Variants in MYH9 observed in about 807,000 individuals in gnomAD.
MYH9 encodes the protein myosin-9.
Under a neutral mutation model 241.9 loss-of-function variants are expected in MYH9, and 29 were observed. That is an observed-to-expected ratio of 0.12 (90% CI 0.09 to 0.16). MYH9 has a LOEUF of 0.16. Ranked by LOEUF, MYH9 falls within the 10% of genes least tolerant of loss-of-function variation. The pLI, the probability that MYH9 is intolerant of heterozygous loss-of-function variation, is 1.00. For missense variants in MYH9, 1,803 were observed against 2,595.5 expected, an observed-to-expected ratio of 0.69 and a Z score of 6.63; for synonymous variants, 1,047 against 1,062.6, an observed-to-expected ratio of 0.99 and a Z score of 0.29.
chr22:36,294,720 C>G (rs2016761321), intron 27 of MYH9, among the ~76,000 whole-genome samples: 1 of 152,228 alleles, frequency 6.6e-6, no homozygotes, highest in African/African-American at 2.4e-5. Flanking sequence ...TGTTTTCACC[C>G]TCAAATAATC....
Position 36,301,031 on chromosome 22 carries a change from C to T in MYH9, c.2658G>A (p.Gln886=), listed in dbSNP as rs143927347. The change falls in exon 22 of 41, where the codon CAG becomes CAA. Residue 886 remains glutamine (Q), a synonymous_variant. Transcript: ENST00000216181. ...SQLMAEKLQL[Q]EQLQAETELC... ...GCTCGGTTTCTGCCTGGAGCTGCTC[C>T]TGCAGCTGCAATTTCTCTGCCATGA... 6.2e-7 allele frequency: 1 copy of T among 1,610,930 alleles called. No individual in the cohort carries two copies. The highest frequency in any genetic ancestry group is 8.5e-7 in the Non-Finnish European group (1 of 1,180,018).
chr22:36,387,699 G>A (rs1285966763), intron 1 of MYH9, 108 bp downstream of exon 1: 2 of 151,316 alleles, frequency 1.3e-5, no homozygotes, highest in Non-Finnish European at 1.5e-5. Context: ...CGCGGGTGGC[G>A]GGCCGCACTG....
In MYH9 at chr22:36,320,956, A is replaced by AC; in HGVS notation, c.770-61_770-60insG. On this transcript the variant is annotated intron_variant, in intron 7 of 40. Coordinates refer to ENST00000216181, the MANE Select transcript of MYH9 (RefSeq NM_002473.6). This position sits in a 1 kb window ranked among gnomAD's most constrained non-coding sequence, Gnocchi z 4.8. The stretch of plus-strand genomic sequence containing the variant: ...AGAAGGCAAGCCCTCCACTTTCCTC[A>AC]TTTTTTTTTTTTTGGAGACAGAGTC... 2.5e-6 allele frequency: 3 copies of AC among 1,213,196 alleles called. No homozygotes were observed. Among genetic ancestry groups the AC allele is most frequent in the Non-Finnish European group, 3.5e-6 (3 of 865,080 alleles). 75.2% of individuals were successfully genotyped at this position (1,213,196 alleles called of 1,614,324 possible).
intron 1 of MYH9, among the ~76,000 whole-genome samples, chr22:36,368,801 C>T (rs1239674683): frequency 4.0e-5 from 6 of 151,654 alleles, no homozygotes; most frequent in African/African-American, 7.3e-5. Context: ...CCAGGTCCTG[C>T]AGCACAACAA....
At chr22:36,353,945 G>C (rs544042061) in intron 1 of MYH9, among the ~76,000 whole-genome samples, 4 of 152,274 alleles carry the variant, frequency 2.6e-5, no homozygotes, top group Admixed American at 2.0e-4. Flanking sequence ...CTGTCACCCA[G>C]GCTAGAGTGC....
intron 38 of MYH9, 60 bp from the exon 39 acceptor site, chr22:36,284,571 A>T: frequency 6.5e-7 from 1 of 1,528,670 alleles, no homozygotes; most frequent in Non-Finnish European, 9.0e-7. Flanking sequence ...CCGGCCAACA[A>T]GCCCTAACCA....
chr22:36,364,454 C>G (rs2017979180), intron 1 of MYH9, among the ~76,000 whole-genome samples: 1 of 152,120 alleles, frequency 6.6e-6, no homozygotes, highest in Admixed American at 6.5e-5. Flanking sequence ...ATGTTAAGCC[C>G]AATCATCTTC....
chr22:36,286,650 G>A (rs1603482747), intron 35 of MYH9, 68 bp downstream of exon 35: 2 of 1,602,500 alleles, frequency 1.2e-6, no homozygotes, highest in East Asian at 4.5e-5. Flanking sequence ...GTCCTCAGCT[G>A]AAAGCCCCAC....
intron 2 of MYH9, 58 bp downstream of exon 2, chr22:36,348,846 C>CCCCCCCCCCCCCCCCCCCCCCG: frequency 1.1e-6 from 1 of 881,590 alleles, no homozygotes. Context: ...GACCCGCCCC[C>CCCCCCCCCCCCCCCCCCCCCCG]CCCCCCCACC....
chr22:36,319,450 G>T, intron 10 of MYH9, 90 bp downstream of exon 10: 1 of 1,184,564 alleles, frequency 8.4e-7, no homozygotes, highest in Non-Finnish European at 1.2e-6. Context: ...AAAGAATAGT[G>T]TCCGGAATTT....
At chr22:36,326,500 G>C in intron 5 of MYH9, 68 bp downstream of exon 5, 2 of 1,360,446 alleles carry the variant, frequency 1.5e-6, no homozygotes, top group Admixed American at 3.3e-5. Flanking sequence ...GGACCACTAA[G>C]TGCTCTTCCT....
intron 20 of MYH9, chr22:36,302,302 T>A (rs969776308): frequency 1.8e-5 from 7 of 386,024 alleles, no homozygotes; most frequent in South Asian, 2.6e-5. Flanking sequence ...ATTTTTTTTT[T>A]AAAGGCCAGG....
intron 27 of MYH9, 123 bp from the exon 28 acceptor site, chr22:36,294,421 C>T (rs1013399101): frequency 1.6e-5 from 17 of 1,037,424 alleles, no homozygotes; most frequent in Non-Finnish European, 2.3e-5. Context: ...GGTGTGCCTG[C>T]GTCCTGGACT....
chr22:36,294,069 C>G (rs1054539586), intron 28 of MYH9, 23 bp downstream of exon 28: 2 of 1,605,814 alleles, frequency 1.2e-6, no homozygotes, highest in African/African-American at 1.3e-5. Context: ...CTGCCCGCGC[C>G]AGGGTCCTGG....
In MYH9 at chr22:36,291,835, C is replaced by A. The variant is rs1352744063; in HGVS notation, c.4344+151G>T. On this transcript the variant is annotated intron_variant, in intron 31 of 40. Transcript: ENST00000216181. ...CTTCTCCCTGGGACCCTCAACAAGCCAGAGCCTGAGGGTCCTCTAAGCACT... is the reference window on the plus strand; with the variant it reads ...CTTCTCCCTGGGACCCTCAACAAGCAAGAGCCTGAGGGTCCTCTAAGCACT... 3.5e-6 allele frequency: 4 copies of A among 1,146,984 alleles called. No homozygotes were observed. The East Asian group carries it at 1.0e-4, about 29-fold the overall frequency. 71.1% of individuals were successfully genotyped at this position (1,146,984 alleles called of 1,614,324 possible).
chr22:36,288,023 A>G lies in MYH9; in HGVS notation c.4932+229T>C, dbSNP rs1358139855. 2.0e-5 allele frequency among the ~76,000 whole-genome samples: 3 copies of G among 152,108 alleles called. No individual in the cohort carries two copies. Among genetic ancestry groups the G allele is most frequent in the Non-Finnish European group, 4.4e-5 (3 of 68,024 alleles). On this transcript the variant is annotated intron_variant, in intron 34 of 40. Coordinates refer to ENST00000216181, the MANE Select transcript of MYH9 (RefSeq NM_002473.6). The surrounding 1 kb of genome is among the most constrained non-coding windows in gnomAD (Gnocchi z 4.8). ...TTGTACTTGTTTGCTTCTGTGTTTT[A>G]TGTACCCAGTCATACACCGTTTTGC...
chr22:36,305,916 G>T lies in MYH9; in HGVS notation c.2159+14C>A. 1 of 1,612,688 alleles carries T rather than the reference G, an allele frequency of 6.2e-7. No homozygotes were observed. Among genetic ancestry groups the T allele is most frequent in the Non-Finnish European group, 8.5e-7 (1 of 1,179,844 alleles). ...GCAGGGCCCAGGAGAAGCGGGCTCC[G>T]GGCCCTGGCTCACCTCTGCCGAAAC... is the stretch of plus-strand genomic sequence containing the variant. On this transcript the variant is annotated intron_variant, in intron 17 of 40. Coordinates refer to ENST00000216181, the MANE Select transcript of MYH9 (RefSeq NM_002473.6). This position sits in a 1 kb window ranked among gnomAD's most constrained non-coding sequence, Gnocchi z 4.7.
intron 1 of MYH9, among the ~76,000 whole-genome samples, chr22:36,362,297 G>A (rs1273851365): frequency 6.6e-6 from 1 of 152,158 alleles, no homozygotes; most frequent in East Asian, 1.9e-4. Flanking sequence ...CTGGCTCGAG[G>A]AGAGTCCTGG....
intron 13 of MYH9, among the ~76,000 whole-genome samples, chr22:36,312,850 T>C (rs888741786): frequency 6.6e-6 from 1 of 152,116 alleles, no homozygotes; most frequent in African/African-American, 2.4e-5. Flanking sequence ...GGCTCACGCC[T>C]GTAATCCCAG....
Sources: gnomAD v4.1 joint callset for allele counts (sites outside exome capture counted in the v4.1 genomes callset) on GRCh38, gnomAD v4.1.1 for gene constraint, Gnocchi (gnomAD v3.1) non-coding constraint, MANE v1.5 for transcripts, NCBI Gene and HGNC (gene_info 2026-07-23, HGNC 2026-07-21) for gene names.